Variants in CPB1 observed in about 807,000 individuals in gnomAD.
CPB1 encodes the protein carboxypeptidase B1.
A neutral mutation model predicts 51.4 loss-of-function variants in CPB1; 53 were observed. That is an observed-to-expected ratio of 1.03 (90% confidence interval 0.83 to 1.30). The LOEUF (loss-of-function observed/expected upper bound fraction) is 1.30. Ranked by LOEUF, CPB1 falls within the 50% of genes most tolerant of loss-of-function variation. The probability of loss-of-function intolerance (pLI) is 0.00; values close to 1 mark genes in which losing one functional copy is unlikely to be tolerated. For synonymous variants in CPB1, 189 were observed against 186.9 expected, an observed-to-expected ratio of 1.01 and a Z score of -0.09; for missense variants, 494 against 516.2, an observed-to-expected ratio of 0.96 and a Z score of 0.42.
Position 148,844,567 on chromosome 3 carries a change from C to T in CPB1, c.666C>T (p.Gly222=). 1 of 1,613,794 alleles carries T rather than the reference C, an allele frequency of 6.2e-7. No homozygotes were observed. Among genetic ancestry groups the T allele is most frequent in the South Asian group, 1.1e-5 (1 of 91,076 alleles). ...TCCTGCCTGTGCTCAATATTGATGG[C>T]TACATCTACACCTGGACCAAGGTAT... ...FYVLPVLNID[G]YIYTWTKSRF... is the part of the protein sequence containing the mutation. Residue 222 remains glycine, a synonymous_variant, in exon 7 of 11, where the codon GGC becomes GGT. Transcript: ENST00000282957.
intron 10 of CPB1, 71 bp from the exon 11 acceptor site, chr3:148,859,744 A>C: frequency 6.8e-7 from 1 of 1,460,308 alleles, no homozygotes; most frequent in Non-Finnish European, 9.2e-7. Flanking sequence ...TAATGAAAAA[A>C]GAAACTGGCA....
chr3:148,836,097 T>C (rs1244265869), intron 3 of CPB1, among the ~76,000 whole-genome samples: 1 of 151,660 alleles, frequency 6.6e-6, no homozygotes, highest in African/African-American at 2.4e-5. Flanking sequence ...AAATTACAAC[T>C]GGTATTATAT....
intron 3 of CPB1, 114 bp downstream of exon 3, chr3:148,834,736 C>T (rs1419342392): frequency 3.3e-5 from 32 of 966,316 alleles, no homozygotes; most frequent in Non-Finnish European, 4.8e-5. Flanking sequence ...TTCCCCAGGA[C>T]CCCACAAATA....
chr3:148,837,992 T>C (rs950625400), intron 3 of CPB1, among the ~76,000 whole-genome samples: 1 of 152,130 alleles, frequency 6.6e-6, no homozygotes, highest in African/African-American at 2.4e-5. Flanking sequence ...CTCACACCTA[T>C]AATCCCAGCA....
Position 148,844,510 on chromosome 3 carries a change from G to A in CPB1, c.609G>A (p.Val203=), listed in dbSNP as rs1474768449. The change falls in exon 7 of 11, where the codon GTG becomes GTA. Residue 203 remains valine (V), a synonymous_variant. Coordinates refer to ENST00000282957, the MANE Select transcript of CPB1 (RefSeq NM_001871.3). Reference sequence around the variant, plus strand: ...GTACCTATGGACGTGAGATCCAAGTGACAGAGCTTCTCGACAAGTTAGACT... The same window carrying A: ...GTACCTATGGACGTGAGATCCAAGTAACAGAGCTTCTCGACAAGTTAGACT... ...AVRTYGREIQ[V]TELLDKLDFY... 2 of 1,613,850 alleles carry A rather than the reference G, an allele frequency of 1.2e-6. No homozygotes were observed. The highest frequency in any genetic ancestry group is 8.5e-7 in the Non-Finnish European group (1 of 1,179,830).
chr3:148,853,078 C>T (rs887751810), intron 9 of CPB1, among the ~76,000 whole-genome samples: 5 of 152,190 alleles, frequency 3.3e-5, no homozygotes, highest in Admixed American at 2.6e-4. Context: ...AGGAAGGAAA[C>T]TGCAGTTAAG....
rs1713051537 is a variant in CPB1, at chr3:148,840,756, A to T, written c.343A>T (p.Ser115Cys). The T allele has an allele frequency of 1.2e-6, 2 of 1,614,056 alleles. No homozygotes were observed. The highest frequency in any genetic ancestry group is 1.7e-6 in the Non-Finnish European group (2 of 1,180,016). Residue 115 changes from serine (S) to cysteine (C), a missense_variant, in exon 4 of 11, where the codon AGT becomes TGT. Transcript: ENST00000282957. The stretch of plus-strand genomic sequence containing the variant: ...TAGCCGGGTTCGTGCAACAGGACAC[A>T]GTTATGAGAAGTACAACAAGTGGGA... ...FDSRVRATGH[S>C]YEKYNKWETI...
chr3:148,831,791 C>T (rs1454787188), intron 2 of CPB1, among the ~76,000 whole-genome samples: 4 of 152,166 alleles, frequency 2.6e-5, no homozygotes, highest in African/African-American at 4.8e-5. Flanking sequence ...TCCTATATTT[C>T]ACTCCATGTT....
intron 2 of CPB1, among the ~76,000 whole-genome samples, chr3:148,830,784 CAG>C (rs1712710415): frequency 6.6e-6 from 1 of 152,160 alleles, no homozygotes; most frequent in Non-Finnish European, 1.5e-5. Context: ...TTGGAAAAGA[CAG>C]AAGCCAAAAA....
chr3:148,833,184 G>C (rs1179180210), intron 2 of CPB1, among the ~76,000 whole-genome samples: 1 of 151,942 alleles, frequency 6.6e-6, no homozygotes, highest in Non-Finnish European at 1.5e-5. Context: ...GACTCACTAG[G>C]TCACCTTCTA....
Position 148,859,900 on chromosome 3 carries a change from A to G in CPB1, c.1152A>G (p.Arg384=), listed in dbSNP as rs770815490. ...CCTTTGAACTTCGAGATACAGGCAG[A>G]TATGGCTTTCTCCTTCCAGAATCCC... ...SFTFELRDTG[R]YGFLLPESQI... The change falls in exon 11 of 11, where the codon AGA becomes AGG. Residue 384 remains arginine, a synonymous_variant. Transcript: ENST00000282957. 6.2e-7 allele frequency: 1 copy of G among 1,614,146 alleles called. No homozygotes were observed. The highest frequency in any genetic ancestry group is 8.5e-7 in the Non-Finnish European group (1 of 1,180,014).
At chr3:148,829,276 T>TA (rs1559955321) in intron 2 of CPB1, among the ~76,000 whole-genome samples, 2 of 152,232 alleles carry the variant, frequency 1.3e-5, no homozygotes, top group Admixed American at 6.5e-5. Flanking sequence ...TTTCTTTTTT[T>TA]AAATGTAGTT....
In CPB1 at chr3:148,841,418, G is replaced by A. The variant is rs372495265; in HGVS notation, c.475-405G>A. Among the ~76,000 whole-genome samples the A allele has an allele frequency of 2.0e-5, 3 of 152,272 alleles. No individual in the cohort carries two copies. In the South Asian group the frequency reaches 6.2e-4, roughly 32 times the overall value. ...TTCTAATGAAGGAAATAAAAAGACA[G>A]GGAATAAGTGAGAGAGTAGTAAAAA... On this transcript the variant is annotated intron_variant, in intron 5 of 10. Coordinates refer to ENST00000282957, the MANE Select transcript of CPB1 (RefSeq NM_001871.3).
At chr3:148,846,192 A>T (rs1017606175) in intron 9 of CPB1, among the ~76,000 whole-genome samples, 3 of 152,204 alleles carry the variant, frequency 2.0e-5, no homozygotes, top group Non-Finnish European at 4.4e-5. Context: ...CAGGGAATAA[A>T]GCAAAGAAAT....
chr3:148,857,959 G>A (rs1437416909), intron 10 of CPB1, among the ~76,000 whole-genome samples: 1 of 152,120 alleles, frequency 6.6e-6, no homozygotes, highest in Non-Finnish European at 1.5e-5. Flanking sequence ...TTTCCTCCCT[G>A]TAAGCATCTA....
Position 148,827,816 on chromosome 3 carries a change from C to G in CPB1, c.-8C>G. 6.2e-7 allele frequency: 1 copy of G among 1,613,878 alleles called. No homozygotes were observed. The highest frequency in any genetic ancestry group is 2.2e-5 in the East Asian group (1 of 44,868). ...ATGAGACCTACCCACTAGACCTGGT[C>G]AGACACAATGTTGGCACTCTTGGTT... is the stretch of plus-strand genomic sequence containing the variant. On this transcript the variant is annotated 5_prime_UTR_variant, in exon 1 of 11. Coordinates refer to ENST00000282957, the MANE Select transcript of CPB1 (RefSeq NM_001871.3).
intron 3 of CPB1, among the ~76,000 whole-genome samples, chr3:148,839,934 A>G (rs1713027240): frequency 7.0e-6 from 1 of 141,898 alleles, no homozygotes; most frequent in African/African-American, 2.5e-5. Flanking sequence ...GAAGTCACAC[A>G]CACATACACA....
At chr3:148,838,249 A>G (rs1386281113) in intron 3 of CPB1, 1 of 152,212 alleles carries the variant, frequency 6.6e-6, no homozygotes, top group African/African-American at 2.4e-5. Flanking sequence ...CTCTGTCTCA[A>G]AAATAAACAA....
At chr3:148,844,362 C>A in intron 6 of CPB1, 116 bp from the exon 7 acceptor site, 13 of 674,376 alleles carry the variant, frequency 1.9e-5, no homozygotes, top group Non-Finnish European at 2.6e-6. Flanking sequence ...ATATTGTCCA[C>A]CTCAATAGGA....
Sources: gnomAD v4.1 joint callset for allele counts (sites outside exome capture counted in the v4.1 genomes callset) on GRCh38, gnomAD v4.1.1 for gene constraint, MANE v1.5 for transcripts, NCBI Gene and HGNC (gene_info 2026-07-23, HGNC 2026-07-21) for gene names.